RPTOR: variants seen among roughly 807,000 people sequenced by gnomAD.
The protein encoded by RPTOR is regulatory associated protein of MTOR complex 1.
In RPTOR, 21 loss-of-function variants were observed where a neutral mutation model predicts 169.9. That is an observed-to-expected ratio of 0.12 (90% confidence interval 0.09 to 0.18). RPTOR has a LOEUF of 0.18. Ranked by LOEUF, RPTOR falls within the 10% of genes least tolerant of loss-of-function variation. The pLI, the probability that RPTOR is intolerant of heterozygous loss-of-function variation, is 1.00. For missense variants in RPTOR, 1,133 were observed against 1,855.9 expected (o/e 0.61, Z 7.16); for synonymous variants, 732 against 753.2 (o/e 0.97, Z 0.46).
rs1219123400 is a variant in RPTOR at position 80,840,661 on chromosome 17, C to G, written c.1212+2664C>G. On this transcript the variant is annotated intron_variant, in intron 10 of 33. Transcript: ENST00000306801. ...GCACGGCAGCTCACTCTCACCACAC[C>G]ACAGCTCACTCTCACCACACGGCAG... 6.6e-3 allele frequency among the ~76,000 whole-genome samples: 299 copies of G among 45,306 alleles called. 1 individual carries two copies. The highest frequency in any genetic ancestry group is 0.01 in the Non-Finnish European group (180 of 17,236). 29.7% of individuals were successfully genotyped at this position (45,306 alleles called of 152,430 possible). A position where few individuals can be genotyped will look rare whatever the true frequency, so the allele number is the denominator to read the frequency against.
chr17:80,905,875 T>C (rs1462800361), intron 20 of RPTOR, among the ~76,000 whole-genome samples: 1 of 152,212 alleles, frequency 6.6e-6, no homozygotes, highest in Non-Finnish European at 1.5e-5. Context: ...TTCTTCACAG[T>C]GGCCTGGTCC....
At chr17:80,630,975 G>A (rs771344579) in intron 2 of RPTOR, among the ~76,000 whole-genome samples, 1 of 152,318 alleles carries the variant, frequency 6.6e-6, no homozygotes, top group Non-Finnish European at 1.5e-5. Flanking sequence ...GGCCTTGGGC[G>A]TAGTGCGGTT....
At chr17:80,896,174 TC>T (rs1180909364) in intron 20 of RPTOR, among the ~76,000 whole-genome samples, 1 of 152,160 alleles carries the variant, frequency 6.6e-6, no homozygotes, top group East Asian at 1.9e-4. Context: ...CCACATTTTG[TC>T]TCTGTGGTGA....
rs754142944 is a variant in RPTOR at position 80,791,486 on chromosome 17, C to A, written c.867C>A (p.Gly289=). The change falls in exon 7 of 34, where the codon GGC becomes GGA. Residue 289 remains glycine (G), a synonymous_variant. Coordinates refer to ENST00000306801, the MANE Select transcript of RPTOR (RefSeq NM_020761.3). ...AGAAATGTGTCAGTCTGGTGCCTGG[C>A]GTCACACTGGATTTGATAGAAAAGT... ...CMQKCVSLVP[G]VTLDLIEKIP... The A allele has an allele frequency of 1.8e-5, 29 of 1,613,756 alleles. No individual in the cohort carries two copies. Among genetic ancestry groups the A allele is most frequent in the Non-Finnish European group, 2.3e-5 (27 of 1,179,920 alleles).
In RPTOR at chr17:80,876,159, G is replaced by A. The variant is rs375048158; in HGVS notation, c.1510-4256G>A. On this transcript the variant is annotated intron_variant, in intron 13 of 33. Transcript: ENST00000306801. ...TGTGTCACCTGCCGGGTCTTCCACC[G>A]AGCCCGTGCCACGCAGGGTGTGTGT... Among the ~76,000 whole-genome samples the A allele has an allele frequency of 6.5e-4, 76 of 117,462 alleles. 4 individuals carry two copies. In the South Asian group the frequency reaches 0.02, roughly 31 times the overall value. 77.1% of individuals were successfully genotyped at this position (117,462 alleles called of 152,430 possible). A position where few individuals can be genotyped will look rare whatever the true frequency, so the allele number is the denominator to read the frequency against.
At chr17:80,843,919 C>T (rs1275152169) in intron 10 of RPTOR, among the ~76,000 whole-genome samples, 1 of 152,178 alleles carries the variant, frequency 6.6e-6, no homozygotes, top group Non-Finnish European at 1.5e-5. Context: ...GGCAACAGAG[C>T]AAAACTCCTG....
At chr17:80,956,466 C>T (rs933102467) in intron 28 of RPTOR, among the ~76,000 whole-genome samples, 8 of 152,382 alleles carry the variant, frequency 5.2e-5, no homozygotes, top group Admixed American at 2.0e-4. Flanking sequence ...TGACGCCAGC[C>T]GTCGGGAGTC....
At chr17:80,661,231 C>T (rs191825669) in intron 3 of RPTOR, among the ~76,000 whole-genome samples, 166 of 152,260 alleles carry the variant, frequency 1.1e-3, no homozygotes, top group African/African-American at 3.9e-3. Context: ...TCTGAAGTGC[C>T]TTGCTCTCAA....
In RPTOR at chr17:80,892,596, G is replaced by A. The variant is rs2068340130; in HGVS notation, c.2102-133G>A. Reference sequence around the variant, plus strand: ...CGTCTGAGTCTCCCTGAGCTGTGCAGCCCCTGCTCTGACATTTGTTGCAGC... The same window carrying A: ...CGTCTGAGTCTCCCTGAGCTGTGCAACCCCTGCTCTGACATTTGTTGCAGC... On this transcript the variant is annotated intron_variant, in intron 18 of 33. Coordinates refer to ENST00000306801, the MANE Select transcript of RPTOR (RefSeq NM_020761.3). The A allele has an allele frequency of 5.1e-6, 5 of 984,138 alleles. No individual in the cohort carries two copies. In the Admixed American group the frequency reaches 1.1e-4, roughly 21 times the overall value. 61.0% of individuals were successfully genotyped at this position (984,138 alleles called of 1,614,324 possible).
At position 80,730,764 on chromosome 17, in the gene RPTOR, TG is replaced by T; in HGVS notation, c.654+62del. ...GGTTTGGTTTTGTTTTCCCTGGGGG[TG>T]GGGTTTGGGTGGGGAGGTTGGGAGG... On this transcript the variant is annotated intron_variant, in intron 5 of 33. Transcript: ENST00000306801. The surrounding 1 kb of genome is among the most constrained non-coding windows in gnomAD (Gnocchi z 4.2). The T allele has an allele frequency of 4.4e-6, 2 of 453,314 alleles. No homozygotes were observed. Among genetic ancestry groups the T allele is most frequent in the South Asian group, 1.7e-5 (1 of 57,718 alleles). The allele number at this position is 453,314 out of a possible 1,614,324, so 28.1% of individuals were successfully genotyped here.
intron 7 of RPTOR, among the ~76,000 whole-genome samples, chr17:80,793,137 C>T (rs1489397227): frequency 6.6e-6 from 1 of 152,180 alleles, no homozygotes; most frequent in Non-Finnish European, 1.5e-5. Flanking sequence ...ACTTTTTGAG[C>T]ACTGATGTGC....
At position 80,839,510 on chromosome 17, in the gene RPTOR, G is replaced by C. The variant is rs539601655; in HGVS notation, c.1212+1513G>C. 7.9e-5 allele frequency among the ~76,000 whole-genome samples: 12 copies of C among 152,298 alleles called. No individual in the cohort carries two copies. In the South Asian group the frequency reaches 2.1e-3, roughly 26 times the overall value. On this transcript the variant is annotated intron_variant, in intron 10 of 33. Transcript: ENST00000306801. Reference sequence around the variant, plus strand: ...AAGCCAGCTCCCCGTCATGTGCTTGGCATCAACACTGGGCTTCTAGACAAA... The same window carrying C: ...AAGCCAGCTCCCCGTCATGTGCTTGCCATCAACACTGGGCTTCTAGACAAA...
intron 1 of RPTOR, among the ~76,000 whole-genome samples, chr17:80,616,061 G>T (rs2065307231): frequency 6.6e-6 from 1 of 152,142 alleles, no homozygotes; most frequent in African/African-American, 2.4e-5. Flanking sequence ...AGCCTGCCTG[G>T]GAGCCCTGCA....
intron 24 of RPTOR, among the ~76,000 whole-genome samples, chr17:80,937,744 T>C (rs1382671624): frequency 6.6e-6 from 1 of 152,208 alleles, no homozygotes; most frequent in Non-Finnish European, 1.5e-5. Context: ...GATGAAGAGC[T>C]GCGGTGTCAT....
intron 1 of RPTOR, among the ~76,000 whole-genome samples, chr17:80,617,986 A>C (rs2065324680): frequency 6.7e-6 from 1 of 149,032 alleles, no homozygotes; most frequent in African/African-American, 2.6e-5. Flanking sequence ...AATAGTTACA[A>C]CTTTTTTTTT....
intron 6 of RPTOR, among the ~76,000 whole-genome samples, chr17:80,783,322 C>T: frequency 6.6e-6 from 1 of 152,318 alleles, no homozygotes; most frequent in Admixed American, 6.5e-5. Context: ...AGTTTTCAAC[C>T]ATTCTGTGGA....
chr17:80,891,455 G>A (rs1254179498), intron 17 of RPTOR, among the ~76,000 whole-genome samples: 2 of 152,200 alleles, frequency 1.3e-5, no homozygotes, highest in African/African-American at 4.8e-5. Context: ...GACCCCCGAT[G>A]CGTCGTGCGC....
chr17:80,566,715 T>C (rs1188783212), intron 1 of RPTOR, among the ~76,000 whole-genome samples: 1 of 149,700 alleles, frequency 6.7e-6, no homozygotes, highest in African/African-American at 2.5e-5. Flanking sequence ...TCCCAGCTAC[T>C]TGGGAGGCTG....
At chr17:80,826,349 T>C (rs2067442971) in intron 9 of RPTOR, among the ~76,000 whole-genome samples, 4 of 152,156 alleles carry the variant, frequency 2.6e-5, no homozygotes, top group Admixed American at 2.6e-4. Context: ...GAAACATGTT[T>C]CCTCTCCTCA....
Sources: gnomAD v4.1 joint callset for allele counts (sites outside exome capture counted in the v4.1 genomes callset) on GRCh38, gnomAD v4.1.1 for gene constraint, Gnocchi (gnomAD v3.1) non-coding constraint, MANE v1.5 for transcripts, NCBI Gene and HGNC (gene_info 2026-07-23, HGNC 2026-07-21) for gene names.